ERI3: variants seen among roughly 807,000 people sequenced by gnomAD.
ERI3 encodes ERI1 exoribonuclease family member 3.
ERI3 carries 18 observed loss-of-function variants against 44.4 expected under a neutral mutation model. That is an observed-to-expected ratio of 0.41 (90% CI 0.28 to 0.60). The LOEUF (loss-of-function observed/expected upper bound fraction) is 0.60. Ranked by LOEUF, ERI3 falls within the 20% of genes least tolerant of loss-of-function variation. The probability of loss-of-function intolerance (pLI) is 0.36; values close to 1 mark genes in which losing one functional copy is unlikely to be tolerated. For synonymous variants in ERI3, 183 were observed against 164.8 expected (o/e 1.11, Z -0.84); for missense variants, 294 against 435.5 (o/e 0.68, Z 2.89).
At chr1:44,273,480 A>G (rs191156164) in intron 7 of ERI3, among the ~76,000 whole-genome samples, 52 of 152,348 alleles carry the variant, frequency 3.4e-4, no homozygotes, top group Admixed American at 3.2e-3. Flanking sequence ...GCAGAGGAAT[A>G]GGCATCCAGA....
At chr1:44,222,749 C>T (rs530813918) in intron 8 of ERI3, among the ~76,000 whole-genome samples, 1 of 152,330 alleles carries the variant, frequency 6.6e-6, no homozygotes, top group Admixed American at 6.5e-5. Context: ...TCCCACCTCC[C>T]TTAGATGCTC....
chr1:44,353,559 T>C, intron 1 of ERI3: 1 of 985,450 alleles, frequency 1.0e-6, no homozygotes. Flanking sequence ...TATTCCTGTC[T>C]ACCATTCCAC....
At chr1:44,303,185 G>C (rs947547847) in intron 6 of ERI3, among the ~76,000 whole-genome samples, 1 of 152,206 alleles carries the variant, frequency 6.6e-6, no homozygotes, top group Non-Finnish European at 1.5e-5. Context: ...AAGCCTGTGG[G>C]CTATCTCACC....
intron 2 of ERI3, among the ~76,000 whole-genome samples, chr1:44,339,925 C>T (rs1164373630): frequency 1.3e-5 from 2 of 152,204 alleles, no homozygotes; most frequent in Non-Finnish European, 2.9e-5. Context: ...GGTGATCCCC[C>T]AACCCCCACA....
At chr1:44,248,764 T>G (rs929001887) in intron 7 of ERI3, among the ~76,000 whole-genome samples, 2 of 151,782 alleles carry the variant, frequency 1.3e-5, no homozygotes, top group Non-Finnish European at 2.9e-5. Context: ...GGTCAAGTGC[T>G]CACTTATGCA....
chr1:44,271,989 G>A (rs1390474883), intron 7 of ERI3, among the ~76,000 whole-genome samples: 1 of 152,122 alleles, frequency 6.6e-6, no homozygotes, highest in Non-Finnish European at 1.5e-5. Flanking sequence ...CCTAGCTCCT[G>A]CCCACAATGT....
chr1:44,349,760 T>C (rs1295050549), intron 2 of ERI3, among the ~76,000 whole-genome samples: 1 of 152,216 alleles, frequency 6.6e-6, no homozygotes, highest in Non-Finnish European at 1.5e-5. Flanking sequence ...GCCAACTCGA[T>C]TGTCTCATTA....
chr1:44,248,694 TGA>T (rs932091619), intron 7 of ERI3, among the ~76,000 whole-genome samples: 3 of 127,670 alleles, frequency 2.3e-5, no homozygotes, highest in Non-Finnish European at 5.0e-5. Context: ...TGTATGTGTG[TGA>T]GAGAGAGTGT....
chr1:44,279,034 T>C (rs1160479380), intron 7 of ERI3, among the ~76,000 whole-genome samples: 2 of 152,238 alleles, frequency 1.3e-5, no homozygotes, highest in Non-Finnish European at 2.9e-5. Context: ...AACACAGGTC[T>C]AGCACACAAA....
rs1253459230 is a variant in ERI3 at position 44,319,760 on chromosome 1, T to C, written c.490-16A>G. Reference sequence around the variant, plus strand: ...CGATGATTTCCTGGAGTGCCAAAGATACAGAAAAGGAAAAATAAGTTATTG... The same window carrying C: ...CGATGATTTCCTGGAGTGCCAAAGACACAGAAAAGGAAAAATAAGTTATTG... On this transcript the variant is annotated splice_polypyrimidine_tract_variant and intron_variant, in intron 3 of 8. Transcript: ENST00000372257. 2 of 1,556,478 alleles carry C rather than the reference T, an allele frequency of 1.3e-6. No individual in the cohort carries two copies. The highest frequency in any genetic ancestry group is 1.7e-5 in the Admixed American group (1 of 59,490).
At chr1:44,345,205 A>G (rs1405381061) in intron 2 of ERI3, among the ~76,000 whole-genome samples, 1 of 152,196 alleles carries the variant, frequency 6.6e-6, no homozygotes, top group African/African-American at 2.4e-5. Context: ...TATAGCCTCC[A>G]TTACTGGAGG....
At chr1:44,310,784 T>C (rs1645938423) in intron 5 of ERI3, among the ~76,000 whole-genome samples, 1 of 151,904 alleles carries the variant, frequency 6.6e-6, no homozygotes, top group Non-Finnish European at 1.5e-5. Context: ...TCAGAGCTGC[T>C]CCCCGGTGCC....
At chr1:44,256,193 T>C (rs1156550251) in intron 7 of ERI3, among the ~76,000 whole-genome samples, 1 of 152,080 alleles carries the variant, frequency 6.6e-6, no homozygotes, top group Admixed American at 6.5e-5. Context: ...GGAGGCCTGG[T>C]TTCCGGAGCT....
intron 8 of ERI3, chr1:44,230,346 G>C (rs750287992): frequency 6.6e-6 from 1 of 152,174 alleles, no homozygotes; most frequent in Non-Finnish European, 1.5e-5. Context: ...GCCACAACTA[G>C]AAGTGCCAGG....
chr1:44,255,160 T>G (rs1229795314), intron 7 of ERI3, among the ~76,000 whole-genome samples: 1 of 152,204 alleles, frequency 6.6e-6, no homozygotes, highest in East Asian at 1.9e-4. Context: ...AAGTTCTATA[T>G]GCATTTCACA....
In ERI3 at chr1:44,221,100, TC is replaced by T. The variant is rs1452652336; in HGVS notation, c.*457del. ...TTGCACACACACCCAGTGCCTCGTTTCCCCGACTTTATTCAGTGGCACGTTC... is the reference window on the plus strand; with the variant it reads ...TTGCACACACACCCAGTGCCTCGTTTCCCGACTTTATTCAGTGGCACGTTC... On this transcript the variant is annotated 3_prime_UTR_variant, in exon 9 of 9. Coordinates refer to ENST00000372257, the MANE Select transcript of ERI3 (RefSeq NM_024066.3). The surrounding 1 kb of genome is among the most constrained non-coding windows in gnomAD (Gnocchi z 5.9). 1 of 265,420 alleles carries T rather than the reference TC, an allele frequency of 3.8e-6. No homozygotes were observed. The highest frequency in any genetic ancestry group is 2.2e-5 in the African/African-American group (1 of 45,262). 16.4% of individuals were successfully genotyped at this position (265,420 alleles called of 1,614,324 possible). A position where few individuals can be genotyped will look rare whatever the true frequency, so the allele number is the denominator to read the frequency against.
intron 7 of ERI3, among the ~76,000 whole-genome samples, chr1:44,249,760 T>C (rs992717075): frequency 2.0e-5 from 3 of 152,040 alleles, no homozygotes; most frequent in Non-Finnish European, 4.4e-5. Flanking sequence ...GGGTGGTGCA[T>C]AGCCAGAGGA....
intron 6 of ERI3, among the ~76,000 whole-genome samples, chr1:44,300,706 T>C (rs970709984): frequency 6.6e-6 from 1 of 152,148 alleles, no homozygotes; most frequent in African/African-American, 2.4e-5. Context: ...AGGAGCCCCT[T>C]TAGTGCCAGT....
At chr1:44,320,131 G>C (rs1340971928) in intron 3 of ERI3, among the ~76,000 whole-genome samples, 13 of 152,238 alleles carry the variant, frequency 8.5e-5, no homozygotes, top group Non-Finnish European at 1.5e-5. Flanking sequence ...CTGATCTCCT[G>C]CCATATAGAC....
Sources: gnomAD v4.1 joint callset for allele counts (sites outside exome capture counted in the v4.1 genomes callset) on GRCh38, gnomAD v4.1.1 for gene constraint, Gnocchi (gnomAD v3.1) non-coding constraint, MANE v1.5 for transcripts, NCBI Gene and HGNC (gene_info 2026-07-23, HGNC 2026-07-21) for gene names.